Variants in PTPRG observed in about 807,000 individuals in gnomAD.
PTPRG encodes the protein protein tyrosine phosphatase receptor type G, also known as receptor-type tyrosine-protein phosphatase gamma.
Under a neutral mutation model 165.3 loss-of-function variants are expected in PTPRG, and 102 were observed. That is an observed-to-expected ratio of 0.62 (90% CI 0.53 to 0.73). The LOEUF (loss-of-function observed/expected upper bound fraction) is 0.73, where lower values mean the gene tolerates loss of function less well. Among genes scored for constraint, PTPRG ranks in the 30% least tolerant of loss-of-function variants. The pLI, the probability that PTPRG is intolerant of heterozygous loss-of-function variation, is 0.00. For synonymous variants in PTPRG, 675 were observed against 669.5 expected, an observed-to-expected ratio of 1.01 and a Z score of -0.13; for missense variants, 1,866 against 1,861.4, an observed-to-expected ratio of 1.00 and a Z score of -0.05.
At chr3:61,563,396 T>TC (rs1396665702) in intron 1 of PTPRG, among the ~76,000 whole-genome samples, 6 of 151,910 alleles carry the variant, frequency 3.9e-5, no homozygotes, top group Admixed American at 2.6e-4. Context: ...AGCTGGCAGT[T>TC]CCCCCTCCTC....
chr3:61,586,233 G>A (rs1207707336), intron 1 of PTPRG, among the ~76,000 whole-genome samples: 1 of 151,782 alleles, frequency 6.6e-6, no homozygotes, highest in Non-Finnish European at 1.5e-5. Context: ...AGGTCAGGAA[G>A]GACAAGTTCT....
At chr3:62,227,702 C>T (rs1029859259) in intron 13 of PTPRG, among the ~76,000 whole-genome samples, 4 of 152,146 alleles carry the variant, frequency 2.6e-5, no homozygotes, top group African/African-American at 9.7e-5. Flanking sequence ...TAGTTCCAGG[C>T]ACTGGAGAGC....
rs200045412 is a variant in PTPRG, at chr3:62,267,466, G to A, written c.2713G>A (p.Asp905Asn). Reference protein sequence around the residue: ...PLPGKDSKHSDYINANYVDGY... With the variant: ...PLPGKDSKHSNYINANYVDGY... ...ACCAGGAAAAGACTCTAAGCACAGCGACTACATTAATGCAAACTATGTTGA... is the reference window on the plus strand; with the variant it reads ...ACCAGGAAAAGACTCTAAGCACAGCAACTACATTAATGCAAACTATGTTGA... The change falls in exon 18 of 30, where the codon GAC becomes AAC. Residue 905 changes from aspartate to asparagine, a missense_variant. Physicochemically the swap from Asp to Asn is conservative, Grantham distance 23. Around this residue, in one of 3 missense-constraint regions of PTPRG, gnomAD observed 1,452 missense variants for 1,463.0 expected, o/e 0.99. Coordinates refer to ENST00000474889, the MANE Select transcript of PTPRG (RefSeq NM_002841.4). The A allele has an allele frequency of 1.6e-5, 26 of 1,611,906 alleles. No homozygotes were observed. Among genetic ancestry groups the A allele is most frequent in the African/African-American group, 1.3e-4 (10 of 74,922 alleles).
At chr3:61,854,315 A>G (rs1291349639) in intron 2 of PTPRG, among the ~76,000 whole-genome samples, 1 of 152,172 alleles carries the variant, frequency 6.6e-6, no homozygotes, top group Non-Finnish European at 1.5e-5. Context: ...AATTATAAAA[A>G]CATTGAGCCT....
intron 2 of PTPRG, among the ~76,000 whole-genome samples, chr3:61,930,442 G>T (rs745971554): frequency 6.6e-6 from 1 of 152,096 alleles, no homozygotes; most frequent in Admixed American, 6.6e-5. Context: ...GTGATGAGGG[G>T]CTCCCAGCAC....
intron 2 of PTPRG, among the ~76,000 whole-genome samples, chr3:61,980,444 T>A (rs2040613966): frequency 6.6e-6 from 1 of 152,142 alleles, no homozygotes; most frequent in South Asian, 2.1e-4. Flanking sequence ...CTTTAAAACC[T>A]TAGCCAAGTT....
At chr3:61,813,908 G>A (rs376526390) in intron 2 of PTPRG, among the ~76,000 whole-genome samples, 1 of 147,624 alleles carries the variant, frequency 6.8e-6, no homozygotes, top group South Asian at 2.1e-4. Flanking sequence ...TTTTTTTTGG[G>A]GGGGGTTGGA....
chr3:61,879,343 G>A (rs1195569480), intron 2 of PTPRG, among the ~76,000 whole-genome samples: 2 of 152,084 alleles, frequency 1.3e-5, no homozygotes, highest in Non-Finnish European at 2.9e-5. Context: ...TTCTGATATA[G>A]GAACATGGGA....
intron 2 of PTPRG, among the ~76,000 whole-genome samples, chr3:61,796,903 A>G (rs896340669): frequency 3.9e-5 from 6 of 152,196 alleles, no homozygotes; most frequent in African/African-American, 1.4e-4. Context: ...TAGAGGCTGA[A>G]TGCCAGCTGT....
At chr3:61,715,857 CT>C (rs11328575) in intron 1 of PTPRG, among the ~76,000 whole-genome samples, 10,096 of 144,514 alleles carry the variant, frequency 0.07, 556 homozygotes, top group African/African-American at 0.16. Flanking sequence ...CCACCAATGG[CT>C]TTTTTTTTTT....
At chr3:61,873,646 G>A (rs563189813) in intron 2 of PTPRG, among the ~76,000 whole-genome samples, 2 of 152,072 alleles carry the variant, frequency 1.3e-5, no homozygotes, top group South Asian at 2.1e-4. Flanking sequence ...AAAATAAATT[G>A]GTAATGTGTG....
intron 2 of PTPRG, among the ~76,000 whole-genome samples, chr3:61,989,060 C>G (rs557988943): frequency 6.6e-6 from 1 of 152,286 alleles, no homozygotes; most frequent in African/African-American, 2.4e-5. Context: ...TGTCTTAACA[C>G]TCAAGTGTAC....
chr3:62,002,983 C>G (rs376891610), intron 3 of PTPRG, among the ~76,000 whole-genome samples: 3 of 152,162 alleles, frequency 2.0e-5, no homozygotes, highest in East Asian at 3.9e-4. Context: ...TGAATCAGTG[C>G]TTAAAAAGAA....
At chr3:61,586,909 C>T (rs1252193485) in intron 1 of PTPRG, among the ~76,000 whole-genome samples, 2 of 152,200 alleles carry the variant, frequency 1.3e-5, no homozygotes, top group Non-Finnish European at 2.9e-5. Context: ...ATATATGTGT[C>T]TGCTTCCAGC....
chr3:61,934,494 C>G lies in PTPRG; in HGVS notation c.191-55131C>G, dbSNP rs144455189. On this transcript the variant is annotated intron_variant, in intron 2 of 29. Coordinates refer to ENST00000474889, the MANE Select transcript of PTPRG (RefSeq NM_002841.4). ...TTGTTCTCATCTAGTAGTCTGTCCTCCAGCAATTTAGGGCTGATCTGGTGA... is the reference window on the plus strand; with the variant it reads ...TTGTTCTCATCTAGTAGTCTGTCCTGCAGCAATTTAGGGCTGATCTGGTGA... Among the ~76,000 whole-genome samples, 501 of 152,052 alleles carry G rather than the reference C, an allele frequency of 3.3e-3. 1 individual carries two copies. Among genetic ancestry groups the G allele is most frequent in the African/African-American group, 0.012 (483 of 41,462 alleles).
chr3:61,944,498 G>A (rs1300558848), intron 2 of PTPRG, among the ~76,000 whole-genome samples: 2 of 152,128 alleles, frequency 1.3e-5, no homozygotes, highest in Non-Finnish European at 2.9e-5. Flanking sequence ...GGGATTAGAT[G>A]AAGGTGAATT....
At chr3:62,101,099 G>T (rs990606581) in intron 5 of PTPRG, among the ~76,000 whole-genome samples, 1 of 152,194 alleles carries the variant, frequency 6.6e-6, no homozygotes, top group Admixed American at 6.5e-5. Flanking sequence ...AGCATAATTG[G>T]AGGAGTGTGA....
chr3:62,185,958 T>C (rs1003794945), intron 8 of PTPRG, among the ~76,000 whole-genome samples: 2 of 152,222 alleles, frequency 1.3e-5, no homozygotes, highest in African/African-American at 4.8e-5. Context: ...TATAGAATTC[T>C]GTTTTGCTGC....
At chr3:61,846,804 A>T (rs186203174) in intron 2 of PTPRG, among the ~76,000 whole-genome samples, 64 of 152,268 alleles carry the variant, frequency 4.2e-4, no homozygotes, top group Admixed American at 1.1e-3. Flanking sequence ...AGTCCCAGCT[A>T]CTTAGGAAGC....
Sources: allele counts gnomAD v4.1 joint callset (sites outside exome capture counted in the v4.1 genomes callset), GRCh38; gene constraint gnomAD v4.1.1; regional missense constraint gnomAD v4.1.1; transcripts MANE v1.5; gene names NCBI Gene and HGNC (gene_info 2026-07-23, HGNC 2026-07-21).